Variants in ITGA1 observed in about 807,000 individuals in gnomAD.
ITGA1 encodes the protein integrin alpha-1.
ITGA1 carries 85 observed loss-of-function variants against 145.9 expected under a neutral mutation model. That is an observed-to-expected ratio of 0.58 (90% CI 0.49 to 0.70). The LOEUF is 0.70. ITGA1 is among the 30% of genes least tolerant of loss of function. ITGA1 has a pLI of 0.00. For missense variants in ITGA1, 1,351 were observed against 1,418.7 expected (o/e 0.95, Z 0.77); for synonymous variants, 520 against 495.3 (o/e 1.05, Z -0.66).
chr5:52,951,948 T>C (rs1377138723), intron 28 of ITGA1, among the ~76,000 whole-genome samples: 1 of 152,120 alleles, frequency 6.6e-6, no homozygotes, highest in East Asian at 1.9e-4. Context: ...TCCCAGCACT[T>C]TGGGAGGCCG....
At chr5:52,856,556 C>T (rs556366230) in intron 2 of ITGA1, among the ~76,000 whole-genome samples, 1 of 152,254 alleles carries the variant, frequency 6.6e-6, no homozygotes, top group East Asian at 1.9e-4. Context: ...AGCTGCCTGA[C>T]AGACCTACGT....
chr5:52,801,879 A>T, intron 1 of ITGA1: 1 of 1,445,776 alleles, frequency 6.9e-7, no homozygotes, highest in African/African-American at 1.4e-5. Context: ...TGTGTTTCCT[A>T]AACTGTTACA....
Position 52,955,924 on chromosome 5 carries a change from T to C in ITGA1, c.*3473T>C, listed in dbSNP as rs1440835547. 8.1e-6 allele frequency: 1 copy of C among 124,184 alleles called. No individual in the cohort carries two copies. Among genetic ancestry groups the C allele is most frequent in the Non-Finnish European group, 1.7e-5 (1 of 59,366 alleles). 7.7% of individuals were successfully genotyped at this position (124,184 alleles called of 1,614,324 possible). Reference sequence around the variant, plus strand: ...TCTGCAACCATAATAATTTTATCTATAAATGCGTATATACATATATATATA... The same window carrying C: ...TCTGCAACCATAATAATTTTATCTACAAATGCGTATATACATATATATATA... On this transcript the variant is annotated 3_prime_UTR_variant, in exon 29 of 29. Coordinates refer to ENST00000282588, the MANE Select transcript of ITGA1 (RefSeq NM_181501.2).
At chr5:52,845,294 T>G (rs2111744364) in intron 1 of ITGA1, among the ~76,000 whole-genome samples, 1 of 152,356 alleles carries the variant, frequency 6.6e-6, no homozygotes, top group South Asian at 2.1e-4. Flanking sequence ...TCCCCTTTTC[T>G]CTACAGCATA....
intron 6 of ITGA1, among the ~76,000 whole-genome samples, chr5:52,868,733 A>C (rs555394512): frequency 6.6e-6 from 1 of 152,308 alleles, no homozygotes; most frequent in Non-Finnish European, 1.5e-5. Flanking sequence ...CACAGAGAAG[A>C]ATATTTCTGA....
At chr5:52,946,710 G>A (rs2111909887) in intron 27 of ITGA1, among the ~76,000 whole-genome samples, 1 of 152,182 alleles carries the variant, frequency 6.6e-6, no homozygotes, top group East Asian at 1.9e-4. Flanking sequence ...TGAGTAGCTG[G>A]AACACTAAAA....
Position 52,905,684 on chromosome 5 carries a change from C to A in ITGA1, c.1310-79C>A, listed in dbSNP as rs1299122129. On this transcript the variant is annotated intron_variant, in intron 11 of 28. Transcript: ENST00000282588. ...AACCATATAAAAATGATTATCTTGG[C>A]CATTTAAAAAGAGTCTTAATTTATT... The A allele has an allele frequency of 4.4e-6, 5 of 1,129,734 alleles. No individual in the cohort carries two copies. The East Asian group carries it at 7.4e-5, about 17-fold the overall frequency. 70.0% of individuals were successfully genotyped at this position (1,129,734 alleles called of 1,614,324 possible).
intron 23 of ITGA1, among the ~76,000 whole-genome samples, chr5:52,935,102 T>C (rs1750946621): frequency 6.6e-6 from 1 of 152,048 alleles, no homozygotes; most frequent in African/African-American, 2.4e-5. Flanking sequence ...AGATTTGAAA[T>C]AGGTACTCTC....
At chr5:52,854,602 A>G (rs1473388093) in intron 2 of ITGA1, among the ~76,000 whole-genome samples, 1 of 152,202 alleles carries the variant, frequency 6.6e-6, no homozygotes, top group African/African-American at 2.4e-5. Context: ...TGAACTATGT[A>G]TTAGACATCA....
chr5:52,878,595 A>G (rs1269855162), intron 6 of ITGA1, among the ~76,000 whole-genome samples: 1 of 152,202 alleles, frequency 6.6e-6, no homozygotes, highest in Non-Finnish European at 1.5e-5. Context: ...TCATCCCCAC[A>G]TGTAAGTGAG....
Position 52,849,263 on chromosome 5 carries a change from G to A in ITGA1, c.62-102G>A, listed in dbSNP as rs985260489. The A allele has an allele frequency of 4.6e-5, 45 of 975,224 alleles. No homozygotes were observed. The African/African-American group carries it at 6.5e-4, about 14-fold the overall frequency. The allele number at this position is 975,224 out of a possible 1,614,324, so 60.4% of individuals were successfully genotyped here. ...TCTTTGAGCTTCTTTTTTTTTAATA[G>A]AAACAGCTTTCGATGGTAACCTTAA... is the stretch of plus-strand genomic sequence containing the variant. On this transcript the variant is annotated intron_variant, in intron 1 of 28. Coordinates refer to ENST00000282588, the MANE Select transcript of ITGA1 (RefSeq NM_181501.2).
intron 28 of ITGA1, among the ~76,000 whole-genome samples, chr5:52,951,089 A>AG (rs1751212346): frequency 1.3e-5 from 2 of 152,156 alleles, no homozygotes; most frequent in African/African-American, 2.4e-5. Flanking sequence ...CCTGAATAAA[A>AG]ATTTTCCAAC....
At chr5:52,807,225 T>C (rs958030160) in intron 1 of ITGA1, among the ~76,000 whole-genome samples, 1 of 152,200 alleles carries the variant, frequency 6.6e-6, no homozygotes, top group Non-Finnish European at 1.5e-5. Context: ...AGCAAAATGT[T>C]TTGGCAGTCA....
At chr5:52,870,374 A>T (rs1320886440) in intron 6 of ITGA1, among the ~76,000 whole-genome samples, 5 of 152,236 alleles carry the variant, frequency 3.3e-5, no homozygotes, top group Admixed American at 3.3e-4. Context: ...TGCAAAAGAT[A>T]GAAAGCTAAG....
At chr5:52,876,500 T>G (rs939250235) in intron 6 of ITGA1, among the ~76,000 whole-genome samples, 1 of 152,192 alleles carries the variant, frequency 6.6e-6, no homozygotes, top group Admixed American at 6.5e-5. Flanking sequence ...GTCATTTCCC[T>G]GAGACTTGAG....
At chr5:52,822,337 C>G (rs192958084) in intron 1 of ITGA1, among the ~76,000 whole-genome samples, 17 of 152,306 alleles carry the variant, frequency 1.1e-4, no homozygotes, top group Admixed American at 1.0e-3. Context: ...CATATTTGAG[C>G]TTCGATTTTA....
At chr5:52,941,483 G>A (rs753258059) in intron 26 of ITGA1, among the ~76,000 whole-genome samples, 3 of 152,082 alleles carry the variant, frequency 2.0e-5, no homozygotes, top group African/African-American at 7.2e-5. Context: ...GAGTGAGATG[G>A]TACCTACCTC....
At chr5:52,789,979 G>A (rs992070725) in intron 1 of ITGA1, among the ~76,000 whole-genome samples, 1 of 152,140 alleles carries the variant, frequency 6.6e-6, no homozygotes, top group African/African-American at 2.4e-5. Context: ...TAGAAACCTT[G>A]TGTGCACTAT....
chr5:52,927,903 G>T (rs10044180), intron 20 of ITGA1, among the ~76,000 whole-genome samples: 38,224 of 152,058 alleles, frequency 0.25, 5,685 homozygotes, highest in African/African-American at 0.4. Context: ...TAGGAGGTCA[G>T]TAGGTCCAGA....
Sources: allele counts gnomAD v4.1 joint callset (sites outside exome capture counted in the v4.1 genomes callset), GRCh38; gene constraint gnomAD v4.1.1; transcripts MANE v1.5; gene names NCBI Gene and HGNC (gene_info 2026-07-23, HGNC 2026-07-21).